Variants in ECT2 observed in about 807,000 individuals in gnomAD.
ECT2 encodes the protein protein ECT2.
ECT2 carries 61 observed loss-of-function variants against 116.9 expected under a neutral mutation model. That is an observed-to-expected ratio of 0.52 (90% CI 0.42 to 0.65). The LOEUF (loss-of-function observed/expected upper bound fraction) is 0.65. Among genes scored for constraint, ECT2 ranks in the 30% least tolerant of loss-of-function variants. ECT2 has a pLI of 0.00. For missense variants in ECT2, 937 were observed against 1,078.7 expected (o/e 0.87, Z 1.84); for synonymous variants, 358 against 346.4 (o/e 1.03, Z -0.37).
intron 4 of ECT2, 80 bp downstream of exon 4, chr3:172,755,655 A>G (rs1576828488): frequency 1.3e-6 from 1 of 756,658 alleles, no homozygotes; most frequent in East Asian, 2.8e-5. Context: ...GATTGGAATT[A>G]GGCACAAGGT....
chr3:172,765,424 C>T (rs1391525990), intron 12 of ECT2, among the ~76,000 whole-genome samples: 1 of 152,116 alleles, frequency 6.6e-6, no homozygotes, highest in Non-Finnish European at 1.5e-5. Context: ...GCTGATGACT[C>T]CCAAATTTGT....
Position 172,756,995 on chromosome 3 carries a change from G to A in ECT2, c.316G>A (p.Gly106Ser), listed in dbSNP as rs201578056. ...ATATGATGAAAAGGACATTAAAGTG[G>A]GCTTTGTAAAGATGGAGTCAGTGGA... ...KSVINMDIKV[G>S]FVKMESVEEF... is the part of the protein sequence containing the mutation. Residue 106 changes from glycine to serine, a missense_variant, in exon 5 of 25, where the codon GGC becomes AGC. Physicochemically the swap from Gly to Ser is moderately conservative, Grantham distance 56 (BLOSUM62 0). Transcript: ENST00000392692. 5.6e-6 allele frequency: 9 copies of A among 1,603,034 alleles called. No individual in the cohort carries two copies. The East Asian group carries it at 2.0e-4, about 36-fold the overall frequency.
intron 22 of ECT2, among the ~76,000 whole-genome samples, chr3:172,814,398 A>G (rs977190828): frequency 1.3e-5 from 2 of 152,062 alleles, no homozygotes; most frequent in East Asian, 3.8e-4. Context: ...AGAAGAAACA[A>G]CTTTCACAAG....
chr3:172,768,107 A>G (rs1719867459), intron 12 of ECT2, among the ~76,000 whole-genome samples: 1 of 152,092 alleles, frequency 6.6e-6, no homozygotes, highest in African/African-American at 2.4e-5. Flanking sequence ...TGGTTGTTTT[A>G]TATTACGTTA....
At chr3:172,800,349 C>T (rs1437571278) in intron 18 of ECT2, among the ~76,000 whole-genome samples, 1 of 152,172 alleles carries the variant, frequency 6.6e-6, no homozygotes. Flanking sequence ...ACTAGTTTTA[C>T]TCACCACTAT....
intron 24 of ECT2, among the ~76,000 whole-genome samples, chr3:172,819,186 C>T (rs1730303702): frequency 6.6e-6 from 1 of 152,036 alleles, no homozygotes; most frequent in South Asian, 2.1e-4. Flanking sequence ...ACATTCATAT[C>T]ATCATTTTGT....
At chr3:172,758,083 C>A (rs1404862292) in intron 5 of ECT2, among the ~76,000 whole-genome samples, 5 of 152,100 alleles carry the variant, frequency 3.3e-5, no homozygotes, top group African/African-American at 9.7e-5. Context: ...TGGTCTCGAA[C>A]TCTTGACCTC....
chr3:172,777,932 A>G (rs6445088), intron 14 of ECT2, among the ~76,000 whole-genome samples: 135,107 of 152,202 alleles, frequency 0.89, 60,465 homozygotes, highest in Non-Finnish European at 0.95. Context: ...CAAGAGACAG[A>G]GATTGATAGG....
At chr3:172,819,786 A>G (rs1730427530) in intron 24 of ECT2, among the ~76,000 whole-genome samples, 1 of 152,128 alleles carries the variant, frequency 6.6e-6, no homozygotes. Flanking sequence ...ATGAACTAAG[A>G]AGAAACCTTG....
rs1030772970 is a variant in ECT2, at chr3:172,753,017, G to T, written c.-22-1492G>T. 2.0e-5 allele frequency among the ~76,000 whole-genome samples: 3 copies of T among 152,132 alleles called. No homozygotes were observed. The South Asian group carries it at 6.2e-4, about 32-fold the overall frequency. ...TGACATGTAGCTCTCGTTAAAGGTGGGTCCTCTGTATATTTGCCTAATATT... is the reference window on the plus strand; with the variant it reads ...TGACATGTAGCTCTCGTTAAAGGTGTGTCCTCTGTATATTTGCCTAATATT... On this transcript the variant is annotated intron_variant, in intron 1 of 24. Transcript: ENST00000392692.
rs759690863 is a variant in ECT2, at chr3:172,761,596, GT to G, written c.685-11del. The G allele has an allele frequency of 1.8e-5, 29 of 1,581,108 alleles. No homozygotes were observed. The highest frequency in any genetic ancestry group is 6.7e-5 in the Admixed American group (4 of 59,474). On this transcript the variant is annotated splice_polypyrimidine_tract_variant and intron_variant, in intron 7 of 24. Transcript: ENST00000392692. ...ATTTAAGGAGAAAATTCACTGTAATGTTTATATTTTTAGGTTGCTGTGAGTC... is the reference window on the plus strand; with the variant it reads ...ATTTAAGGAGAAAATTCACTGTAATGTTATATTTTTAGGTTGCTGTGAGTC...
chr3:172,769,430 T>C (rs1391894622), intron 13 of ECT2, among the ~76,000 whole-genome samples: 2 of 152,188 alleles, frequency 1.3e-5, no homozygotes, highest in Non-Finnish European at 2.9e-5. Flanking sequence ...TGCAGGTTCC[T>C]TGTCAAGATA....
At chr3:172,800,574 C>T (rs562644466) in intron 18 of ECT2, among the ~76,000 whole-genome samples, 4 of 151,990 alleles carry the variant, frequency 2.6e-5, no homozygotes, top group Admixed American at 6.6e-5. Flanking sequence ...AGAAATTTAT[C>T]GTTATATTTT....
At chr3:172,788,133 G>A (rs959734356) in intron 18 of ECT2, among the ~76,000 whole-genome samples, 1 of 152,052 alleles carries the variant, frequency 6.6e-6, no homozygotes, top group African/African-American at 2.4e-5. Context: ...AATTTTACCA[G>A]ATCTAAATTC....
chr3:172,792,254 T>G (rs997999550), intron 18 of ECT2, among the ~76,000 whole-genome samples: 2 of 152,164 alleles, frequency 1.3e-5, no homozygotes, highest in African/African-American at 4.8e-5. Context: ...AGACACGAAG[T>G]AAGCATGTAC....
chr3:172,812,580 A>G (rs1328154746), intron 22 of ECT2, among the ~76,000 whole-genome samples: 1 of 152,186 alleles, frequency 6.6e-6, no homozygotes, highest in Non-Finnish European at 1.5e-5. Flanking sequence ...ACAGAAGAAT[A>G]TACTTTTGAT....
intron 13 of ECT2, among the ~76,000 whole-genome samples, chr3:172,773,179 T>C (rs1720970221): frequency 6.6e-6 from 1 of 152,188 alleles, no homozygotes; most frequent in African/African-American, 2.4e-5. Flanking sequence ...TATGTCTACA[T>C]TTATTTAGGT....
intron 22 of ECT2, among the ~76,000 whole-genome samples, chr3:172,812,017 TTC>T (rs1728852528): frequency 6.6e-6 from 1 of 150,962 alleles, no homozygotes; most frequent in Admixed American, 6.6e-5. Context: ...AAAGTCTTGC[TTC>T]TGTTACGCAG....
intron 21 of ECT2, 99 bp from the exon 22 acceptor site, chr3:172,807,671 T>A (rs961432289): frequency 3.7e-6 from 5 of 1,335,888 alleles, no homozygotes; most frequent in African/African-American, 2.9e-5. Context: ...GATAGTTCAT[T>A]TCATTGGAAT....
Sources: gnomAD v4.1 joint callset for allele counts (sites outside exome capture counted in the v4.1 genomes callset) on GRCh38, gnomAD v4.1.1 for gene constraint, MANE v1.5 for transcripts, NCBI Gene and HGNC (gene_info 2026-07-23, HGNC 2026-07-21) for gene names.